MAP3K8: variants seen among roughly 807,000 people sequenced by gnomAD.
The protein encoded by MAP3K8 is mitogen-activated protein kinase kinase kinase 8.
In MAP3K8, 22 loss-of-function variants were observed where a neutral mutation model predicts 45.8. The ratio of observed to expected loss-of-function variants is 0.48; its 90% CI spans 0.34 to 0.69. The LOEUF is 0.69. MAP3K8 is among the 30% of genes least tolerant of loss of function. MAP3K8 has a pLI of 0.01. For synonymous variants in MAP3K8, 223 were observed against 214.3 expected (o/e 1.04, Z -0.36); for missense variants, 419 against 585.0 (o/e 0.72, Z 2.93).
chr10:30,457,517 G>C (rs1008631603), intron 6 of MAP3K8, among the ~76,000 whole-genome samples: 1 of 152,190 alleles, frequency 6.6e-6, no homozygotes, highest in African/African-American at 2.4e-5. Flanking sequence ...AGGAATTGGC[G>C]TTTTAGTTGA....
At chr10:30,457,948 T>C (rs1172541322) in intron 6 of MAP3K8, 136 bp from the exon 7 acceptor site, 16 of 680,952 alleles carry the variant, frequency 2.3e-5, no homozygotes, top group Non-Finnish European at 3.5e-5. Flanking sequence ...CAGCAATTGC[T>C]GCATGGTTCC....
chr10:30,450,326 A>T lies in MAP3K8; in HGVS notation c.573A>T (p.Ala191=), dbSNP rs201649487. The change falls in exon 5 of 9, where the codon GCA becomes GCT. Residue 191 remains alanine (A), a synonymous_variant. Coordinates refer to ENST00000263056, the MANE Select transcript of MAP3K8 (RefSeq NM_005204.4). ...IQACFRHENI[A]ELYGAVLWGE... ...CTTGCTTCCGGCACGAGAACATCGC[A>T]GAGCTGTATGGCGCAGTCCTGTGGG... The T allele has an allele frequency of 3.7e-6, 6 of 1,614,142 alleles. No homozygotes were observed. The Admixed American group carries it at 1.0e-4, about 27-fold the overall frequency.
rs1324362761 is a variant in MAP3K8, at chr10:30,437,375, A to C, written c.-55A>C. 1.1e-6 allele frequency: 1 copy of C among 898,072 alleles called. No homozygotes were observed. Among genetic ancestry groups the C allele is most frequent in the Non-Finnish European group, 1.3e-6 (1 of 750,192 alleles). 55.6% of individuals were successfully genotyped at this position (898,072 alleles called of 1,614,324 possible). On this transcript the variant is annotated 5_prime_UTR_variant, in exon 2 of 9. Coordinates refer to ENST00000263056, the MANE Select transcript of MAP3K8 (RefSeq NM_005204.4). ...CTGCACTGAGCACTTTATGAGCTTG[A>C]ACTCTGTTAATCCTCACGACCACCT...
chr10:30,452,856 T>TC (rs1836599064), intron 6 of MAP3K8, among the ~76,000 whole-genome samples: 1 of 141,746 alleles, frequency 7.1e-6, no homozygotes, highest in Admixed American at 7.1e-5. Context: ...TTTTTTTTTT[T>TC]CAGTAGAGAT....
rs8177019 is a variant in MAP3K8, at chr10:30,454,580, C to T, written c.873+2836C>T. Reference sequence around the variant, plus strand: ...GACCTTGTCCTAAAAAAAAAAAAAACGCCAAGATTCTGTAAGTCCTTTCTC... The same window carrying T: ...GACCTTGTCCTAAAAAAAAAAAAAATGCCAAGATTCTGTAAGTCCTTTCTC... On this transcript the variant is annotated intron_variant, in intron 6 of 8. Coordinates refer to ENST00000263056, the MANE Select transcript of MAP3K8 (RefSeq NM_005204.4). 5.1e-3 allele frequency among the ~76,000 whole-genome samples: 740 copies of T among 146,502 alleles called. 7 individuals are homozygous for T. Among genetic ancestry groups the T allele is most frequent in the African/African-American group, 0.017 (702 of 40,402 alleles).
In MAP3K8 at chr10:30,439,276, T is replaced by A; in HGVS notation, c.336+2T>A. ...GAATCTGGAATTTTATTAAACATGG[T>A]ACGTTTCTTTCCGATCAGTTGGGTG... On this transcript the variant is annotated splice_donor_variant, in intron 3 of 8. Coordinates refer to ENST00000263056, the MANE Select transcript of MAP3K8 (RefSeq NM_005204.4). LOFTEE classifies it high-confidence loss of function. 1 of 1,614,204 alleles carries A rather than the reference T, an allele frequency of 6.2e-7. No homozygotes were observed. Among genetic ancestry groups the A allele is most frequent in the Non-Finnish European group, 8.5e-7 (1 of 1,180,000 alleles).
In MAP3K8 at chr10:30,439,125, C is replaced by G; in HGVS notation, c.187C>G (p.Leu63Val). The change falls in exon 3 of 9, where the codon CTG becomes GTG. Residue 63 changes from leucine (L) to valine (V), a missense_variant. By Grantham distance (32) the Leu-to-Val change is conservative. Transcript: ENST00000263056. Reference sequence around the variant, plus strand: ...TCAAAACGATGAGCGTTCTAAGTCTCTGCTGCTTAGTGGCCAAGAGGTACC... The same window carrying G: ...TCAAAACGATGAGCGTTCTAAGTCTGTGCTGCTTAGTGGCCAAGAGGTACC... Reference protein sequence around the residue: ...SNQNDERSKSLLLSGQEVPWL... With the variant: ...SNQNDERSKSVLLSGQEVPWL... The G allele has an allele frequency of 6.2e-7, 1 of 1,614,232 alleles. No homozygotes were observed. Among genetic ancestry groups the G allele is most frequent in the South Asian group, 1.1e-5 (1 of 91,086 alleles).
chr10:30,442,041 G>A (rs1234111649), intron 3 of MAP3K8, among the ~76,000 whole-genome samples: 4 of 152,194 alleles, frequency 2.6e-5, no homozygotes, highest in African/African-American at 9.7e-5. Flanking sequence ...ATAGGGATGG[G>A]GAAACTTTCA....
intron 8 of MAP3K8, 120 bp downstream of exon 8, chr10:30,459,621 A>C (rs1836864362): frequency 8.5e-7 from 1 of 1,179,142 alleles, no homozygotes; most frequent in Admixed American, 2.5e-5. Flanking sequence ...TGAGTACCAT[A>C]CCTTGCTTGA....
At chr10:30,438,122 A>G (rs193239528) in intron 2 of MAP3K8, among the ~76,000 whole-genome samples, 2 of 152,314 alleles carry the variant, frequency 1.3e-5, no homozygotes, top group East Asian at 3.9e-4. Context: ...GCTTCTTTCT[A>G]CTACTCACAG....
intron 6 of MAP3K8, among the ~76,000 whole-genome samples, chr10:30,457,635 GTGTTT>G (rs571549289): frequency 2.6e-5 from 4 of 152,070 alleles, no homozygotes; most frequent in Non-Finnish European, 4.4e-5. Context: ...GAAAAAGGTG[GTGTTT>G]TGTTTTGTTT....
chr10:30,449,735 C>G (rs1836471430), intron 4 of MAP3K8, among the ~76,000 whole-genome samples: 1 of 152,122 alleles, frequency 6.6e-6, no homozygotes, highest in South Asian at 2.1e-4. Flanking sequence ...GTCTCGAACT[C>G]CTAGCCTCAA....
At chr10:30,435,546 A>G (rs1588759586) in intron 1 of MAP3K8, among the ~76,000 whole-genome samples, 1 of 149,336 alleles carries the variant, frequency 6.7e-6, no homozygotes, top group South Asian at 2.1e-4. Context: ...GTATATATGT[A>G]TATATAATTT....
chr10:30,450,268 A>G lies in MAP3K8; in HGVS notation c.515A>G (p.Asp172Gly). 6.2e-7 allele frequency: 1 copy of G among 1,600,426 alleles called. No individual in the cohort carries two copies. The highest frequency in any genetic ancestry group is 8.5e-7 in the Non-Finnish European group (1 of 1,171,094). Residue 172 changes from aspartate (D) to glycine (G), a missense_variant, in exon 5 of 9, where the codon GAT becomes GGT. Coordinates refer to ENST00000263056, the MANE Select transcript of MAP3K8 (RefSeq NM_005204.4). ...ATTTTTGTGTTCTAGATCCCAGTAG[A>G]TCAATTTAAGCCATCTGATGTGGAA... Reference protein sequence around the residue: ...KRMACKLIPVDQFKPSDVEIQ... With the variant: ...KRMACKLIPVGQFKPSDVEIQ...
At chr10:30,445,540 A>G (rs1836293103) in intron 3 of MAP3K8, among the ~76,000 whole-genome samples, 1 of 152,258 alleles carries the variant, frequency 6.6e-6, no homozygotes, top group South Asian at 2.1e-4. Context: ...AGGCCTGTAA[A>G]TATTTAATGA....
At chr10:30,436,244 G>T (rs908907236) in intron 1 of MAP3K8, among the ~76,000 whole-genome samples, 3 of 152,178 alleles carry the variant, frequency 2.0e-5, no homozygotes, top group African/African-American at 7.2e-5. Context: ...CTCTAGATGG[G>T]CACAGATCAT....
intron 5 of MAP3K8, 24 bp from the exon 6 acceptor site, chr10:30,451,614 T>C (rs774511606): frequency 7.0e-7 from 1 of 1,419,948 alleles, no homozygotes; most frequent in East Asian, 2.3e-5. Flanking sequence ...AATTTTATCT[T>C]AAAAATATTT....
intron 1 of MAP3K8, among the ~76,000 whole-genome samples, chr10:30,435,076 C>G (rs1385491801): frequency 5.9e-5 from 9 of 152,190 alleles, no homozygotes; most frequent in Admixed American, 5.9e-4. Flanking sequence ...TTTTCTAGCT[C>G]TGGGCGGAGA....
rs368578451 is a variant in MAP3K8 at position 30,459,366 on chromosome 10, G to A, written c.1138G>A (p.Ala380Thr). 54 of 1,614,022 alleles carry A rather than the reference G, an allele frequency of 3.3e-5. No homozygotes were observed. Among genetic ancestry groups the A allele is most frequent in the South Asian group, 2.0e-4 (18 of 91,080 alleles). The change falls in exon 8 of 9, where the codon GCA becomes ACA. Residue 380 changes from alanine to threonine, a missense_variant. Coordinates refer to ENST00000263056, the MANE Select transcript of MAP3K8 (RefSeq NM_005204.4). ...ERNPNHRPRA[A>T]DLLKHEALNP... ...AAACCCCAATCACCGCCCAAGAGCC[G>A]CAGACCTACTAAAACATGAGGCCCT...
Sources: gnomAD v4.1 joint callset for allele counts (sites outside exome capture counted in the v4.1 genomes callset) on GRCh38, gnomAD v4.1.1 for gene constraint, MANE v1.5 for transcripts, NCBI Gene and HGNC (gene_info 2026-07-23, HGNC 2026-07-21) for gene names.